The following PIR variants were observed in gnomAD, a reference collection of about 807,000 sequenced individuals.
The protein encoded by PIR is pirin.
PIR carries 22 observed loss-of-function variants against 24.2 expected under a neutral mutation model. That is an observed-to-expected ratio of 0.91 (90% CI 0.65 to 1.30). PIR has a LOEUF of 1.30. Ranked by LOEUF, PIR falls within the 50% of genes most tolerant of loss-of-function variation. The pLI, the probability that PIR is intolerant of heterozygous loss-of-function variation, is 0.00. For synonymous variants in PIR, 80 were observed against 79.6 expected (o/e 1.00, Z -0.03); for missense variants, 220 against 220.3 (o/e 1.00, Z 0.01).
intron 1 of PIR, among the ~76,000 whole-genome samples, 183 bp from the exon 2 acceptor site, chrX:15,491,492 C>A (rs984897657): frequency 8.9e-6 from 1 of 111,931 alleles, no homozygotes; most frequent in Non-Finnish European, 1.9e-5. Flanking sequence ...AACATGTATG[C>A]ATACCTACTA....
intron 3 of PIR, among the ~76,000 whole-genome samples, chrX:15,472,310 G>A (rs1392209820): frequency 1.8e-5 from 2 of 111,982 alleles, no homozygotes; most frequent in African/African-American, 6.5e-5. Flanking sequence ...CTTGTCACCC[G>A]CTAACCTTCC....
intron 4 of PIR, among the ~76,000 whole-genome samples, chrX:15,457,645 A>T (rs1921137630): frequency 8.9e-6 from 1 of 111,850 alleles, no homozygotes; most frequent in Non-Finnish European, 1.9e-5. Flanking sequence ...GAGAAACAAC[A>T]GCATGTGAAA....
intron 6 of PIR, among the ~76,000 whole-genome samples, chrX:15,408,666 G>C (rs895487861): frequency 8.9e-6 from 1 of 111,748 alleles, no homozygotes; most frequent in Non-Finnish European, 1.9e-5. Context: ...AGTCGAAATG[G>C]AATCATGATA....
intron 5 of PIR, among the ~76,000 whole-genome samples, chrX:15,448,090 TAAG>T: frequency 8.9e-6 from 1 of 112,178 alleles, no homozygotes; most frequent in Middle Eastern, 4.2e-3. Context: ...CTTGAATGAA[TAAG>T]AACATCTGGC....
At chrX:15,397,135 AAC>A (rs1193235846) in intron 8 of PIR, among the ~76,000 whole-genome samples, 1 of 112,494 alleles carries the variant, frequency 8.9e-6, no homozygotes. Context: ...TTATGCTAAA[AAC>A]AAAATAAATC....
chrX:15,395,330 T>C (rs2147001859), intron 8 of PIR, among the ~76,000 whole-genome samples: 1 of 112,293 alleles, frequency 8.9e-6, no homozygotes, highest in Non-Finnish European at 1.9e-5. Flanking sequence ...ATTGAGCATC[T>C]ACAACGTAGT....
intron 7 of PIR, among the ~76,000 whole-genome samples, chrX:15,400,289 G>A (rs1006798877): frequency 1.8e-5 from 2 of 111,751 alleles, no homozygotes; most frequent in Non-Finnish European, 3.8e-5. Flanking sequence ...CTGTGATACA[G>A]AGCAGCATTT....
At chrX:15,433,665 AAGG>A (rs1245908984) in intron 5 of PIR, among the ~76,000 whole-genome samples, 2 of 88,679 alleles carry the variant, frequency 2.3e-5, no homozygotes, top group Non-Finnish European at 4.5e-5. Flanking sequence ...AAGGAGAAAG[AAGG>A]AGGAGGAGGA....
At chrX:15,451,989 A>G (rs186952318) in intron 5 of PIR, among the ~76,000 whole-genome samples, 290 of 111,520 alleles carry the variant, frequency 2.6e-3, no homozygotes, top group African/African-American at 8.1e-3. Flanking sequence ...AATCTTCTCC[A>G]TTTTACAGAT....
chrX:15,418,002 G>A (rs916873620), intron 6 of PIR, among the ~76,000 whole-genome samples: 2 of 111,668 alleles, frequency 1.8e-5, no homozygotes, highest in Non-Finnish European at 3.8e-5. Flanking sequence ...CATCTTTGGG[G>A]GGACATTATT....
chrX:15,412,130 G>A (rs1028610166), intron 6 of PIR, among the ~76,000 whole-genome samples: 4 of 112,029 alleles, frequency 3.6e-5, no homozygotes, highest in Admixed American at 2.8e-4. Flanking sequence ...ATCTATGTAC[G>A]GATATTCAAA....
intron 5 of PIR, among the ~76,000 whole-genome samples, chrX:15,451,580 C>G (rs1046138267): frequency 9.0e-6 from 1 of 111,100 alleles, no homozygotes; most frequent in Non-Finnish European, 1.9e-5. Flanking sequence ...TACTACTTTA[C>G]CTTCATTTCT....
chrX:15,389,012 T>C (rs1281564332), intron 9 of PIR, among the ~76,000 whole-genome samples: 2 of 111,633 alleles, frequency 1.8e-5, no homozygotes, highest in Non-Finnish European at 3.8e-5. Context: ...ATGACCCCAG[T>C]GTAGGGTGGC....
At chrX:15,444,851 G>A (rs1202445233) in intron 5 of PIR, among the ~76,000 whole-genome samples, 1 of 111,463 alleles carries the variant, frequency 9.0e-6, no homozygotes, top group Non-Finnish European at 1.9e-5. Context: ...CAGGAGTGGA[G>A]GCTGCTGAGG....
At chrX:15,437,344 T>C (rs1925780313) in intron 5 of PIR, among the ~76,000 whole-genome samples, 2 of 112,163 alleles carry the variant, frequency 1.8e-5, no homozygotes. Flanking sequence ...TTGAAAAGCA[T>C]CTCATTCTAT....
chrX:15,486,010 T>C (rs1397928112), intron 2 of PIR, among the ~76,000 whole-genome samples: 1 of 110,755 alleles, frequency 9.0e-6, no homozygotes, highest in Non-Finnish European at 1.9e-5. Flanking sequence ...TCTAAATCCT[T>C]TAGCTGCTGA....
chrX:15,417,267 G>A (rs1034474959), intron 6 of PIR, among the ~76,000 whole-genome samples: 2 of 112,247 alleles, frequency 1.8e-5, no homozygotes. Context: ...CACTTTGATC[G>A]TGGCCTTGTA....
chrX:15,479,833 A>G lies in PIR; in HGVS notation c.97-12T>C. On this transcript the variant is annotated splice_polypyrimidine_tract_variant and intron_variant, in intron 2 of 9. Transcript: ENST00000380420. ...TCCAGATTTTTTAACTGAAATAAAA[A>G]TAAAATTTGCAGATTAGATATGTCT... The G allele has an allele frequency of 9.9e-7, 1 of 1,012,577 alleles. No individual in the cohort carries two copies. Among genetic ancestry groups the G allele is most frequent in the Non-Finnish European group, 1.4e-6 (1 of 721,936 alleles). The allele number at this position is 1,012,577 out of a possible 1,213,427, so 83.4% of individuals were successfully genotyped here.
intron 5 of PIR, among the ~76,000 whole-genome samples, chrX:15,427,360 T>C (rs58070211): frequency 0.073 from 8,080 of 110,828 alleles, 743 homozygotes; most frequent in African/African-American, 0.25. Flanking sequence ...TCTGTGTATA[T>C]GTTATATGTT....
Sources: allele counts gnomAD v4.1 joint callset (sites outside exome capture counted in the v4.1 genomes callset), GRCh38; gene constraint gnomAD v4.1.1; transcripts MANE v1.5; gene names NCBI Gene and HGNC (gene_info 2026-07-23, HGNC 2026-07-21).